The following LRRC49 variants were observed in gnomAD, a reference collection of about 807,000 sequenced individuals.
LRRC49 encodes the protein leucine rich repeat containing 49, also known as leucine-rich repeat-containing protein 49.
In LRRC49, 50 loss-of-function variants were observed where a neutral mutation model predicts 83.3. That is an observed-to-expected ratio of 0.60 (90% CI 0.48 to 0.76). The LOEUF (loss-of-function observed/expected upper bound fraction) is 0.76, where lower values mean the gene tolerates loss of function less well. LRRC49 is among the 30% of genes least tolerant of loss of function. LRRC49 has a pLI of 0.00. For missense variants in LRRC49, 704 were observed against 809.1 expected, an observed-to-expected ratio of 0.87 and a Z score of 1.58; for synonymous variants, 286 against 283.3, an observed-to-expected ratio of 1.01 and a Z score of -0.10.
intron 14 of LRRC49, among the ~76,000 whole-genome samples, chr15:71,031,144 T>C (rs184301361): frequency 6.6e-6 from 1 of 152,348 alleles, no homozygotes; most frequent in African/African-American, 2.4e-5. Context: ...TGGATTTATC[T>C]ACCTTTGATC....
At chr15:71,006,462 A>G (rs754600006) in intron 11 of LRRC49, among the ~76,000 whole-genome samples, 2 of 152,216 alleles carry the variant, frequency 1.3e-5, no homozygotes, top group African/African-American at 4.8e-5. Flanking sequence ...AGGCGTCCCT[A>G]TGTGGGTAAA....
intron 11 of LRRC49, among the ~76,000 whole-genome samples, chr15:70,990,275 G>T (rs2037815595): frequency 6.6e-6 from 1 of 152,330 alleles, no homozygotes; most frequent in South Asian, 2.1e-4. Flanking sequence ...CTTGAGCTGT[G>T]GTGGGCTCCA....
At chr15:70,909,839 AACACACACACACACACAC>A (rs146189261) in intron 5 of LRRC49, among the ~76,000 whole-genome samples, 23 of 136,090 alleles carry the variant, frequency 1.7e-4, no homozygotes, top group African/African-American at 6.3e-4. Context: ...CTCCATCTCA[AACACACACACACACACAC>A]ACACACACAC....
chr15:70,957,637 A>G (rs1174556052), intron 8 of LRRC49, among the ~76,000 whole-genome samples: 1 of 152,160 alleles, frequency 6.6e-6, no homozygotes, highest in Non-Finnish European at 1.5e-5. Flanking sequence ...TCTTCAAGAA[A>G]CTTACAGTTT....
intron 8 of LRRC49, among the ~76,000 whole-genome samples, chr15:70,961,995 G>A (rs2036617022): frequency 6.6e-6 from 1 of 152,118 alleles, no homozygotes; most frequent in Admixed American, 6.6e-5. Context: ...TAAGGGGGTG[G>A]GGGAAAAGGC....
chr15:70,906,023 C>T (rs2034292013), intron 5 of LRRC49, among the ~76,000 whole-genome samples: 1 of 151,022 alleles, frequency 6.6e-6, no homozygotes, highest in South Asian at 2.1e-4. Context: ...GTAGGTAGAT[C>T]AGAGAATTCT....
intron 1 of LRRC49, among the ~76,000 whole-genome samples, chr15:70,866,224 T>C (rs2032908907): frequency 6.6e-6 from 1 of 152,074 alleles, no homozygotes; most frequent in African/African-American, 2.4e-5. Context: ...CTTGGCTCAC[T>C]GCAACCTCTG....
chr15:70,871,797 G>C (rs1200241274), intron 1 of LRRC49, among the ~76,000 whole-genome samples: 1 of 151,416 alleles, frequency 6.6e-6, no homozygotes, highest in African/African-American at 2.4e-5. Flanking sequence ...CATCCCAGAC[G>C]GGGCGGGGGG....
upstream of LRRC49, among the ~76,000 whole-genome samples, chr15:70,889,361 C>G (rs747410738): frequency 5.3e-5 from 8 of 151,754 alleles, no homozygotes; most frequent in Admixed American, 2.6e-4. Context: ...TATGAAATCC[C>G]CCCCCCAAAA....
At chr15:70,865,254 T>A (rs2032884750) in intron 1 of LRRC49, among the ~76,000 whole-genome samples, 1 of 152,182 alleles carries the variant, frequency 6.6e-6, no homozygotes, top group Non-Finnish European at 1.5e-5. Flanking sequence ...ACAGAAAGGT[T>A]GAAATAATAA....
At chr15:70,953,311 G>T (rs1050900800) in intron 8 of LRRC49, among the ~76,000 whole-genome samples, 3 of 152,164 alleles carry the variant, frequency 2.0e-5, no homozygotes, top group Non-Finnish European at 4.4e-5. Context: ...AGAAGCTCTT[G>T]TAAGGCAGGT....
intron 1 of LRRC49, among the ~76,000 whole-genome samples, chr15:70,872,363 T>G (rs1308435241): frequency 6.8e-6 from 1 of 146,760 alleles, no homozygotes; most frequent in African/African-American, 2.5e-5. Flanking sequence ...TAGCCTCGGC[T>G]CGGCATCAGA....
chr15:70,969,823 A>G (rs2036929196), intron 9 of LRRC49, among the ~76,000 whole-genome samples: 1 of 152,094 alleles, frequency 6.6e-6, no homozygotes, highest in Non-Finnish European at 1.5e-5. Context: ...TTGGATATTG[A>G]TTTTGTATCC....
intron 8 of LRRC49, among the ~76,000 whole-genome samples, chr15:70,937,466 CCTT>C (rs1445826457): frequency 6.6e-6 from 1 of 152,182 alleles, no homozygotes; most frequent in Non-Finnish European, 1.5e-5. Flanking sequence ...TCCTTCTCCT[CCTT>C]CCCAGGAGCC....
At chr15:70,906,864 A>G (rs1270501614) in intron 5 of LRRC49, among the ~76,000 whole-genome samples, 2 of 152,146 alleles carry the variant, frequency 1.3e-5, no homozygotes, top group Non-Finnish European at 2.9e-5. Context: ...TTTGGTTTTA[A>G]TCTTATTTTA....
intron 7 of LRRC49, among the ~76,000 whole-genome samples, chr15:70,923,731 A>T (rs539049851): frequency 1.3e-5 from 2 of 151,914 alleles, no homozygotes; most frequent in East Asian, 3.9e-4. Flanking sequence ...ATGCACCCGG[A>T]TTCTCTAAAT....
rs1376927615 is a variant in LRRC49, at chr15:71,000,919, G to T, written c.1170-7460G>T. Among the ~76,000 whole-genome samples, 3 of 151,492 alleles carry T rather than the reference G, an allele frequency of 2.0e-5. No homozygotes were observed. The East Asian group carries it at 5.8e-4, about 29-fold the overall frequency. On this transcript the variant is annotated intron_variant, in intron 11 of 15. Coordinates refer to ENST00000260382, the MANE Select transcript of LRRC49 (RefSeq NM_017691.5). ...AACCTCTCGATGGTAGAGTTCTTCG[G>T]ATTTTGGTCCTGGGCTCTGTTTACA...
rs62019137 is a variant in LRRC49 at position 71,050,909 on chromosome 15, G to A, written c.*1297G>A. On this transcript the variant is annotated 3_prime_UTR_variant, in exon 16 of 16. Transcript: ENST00000260382. Reference sequence around the variant, plus strand: ...GGCTGGAGTGCAGTGGCGCGATCTCGGCTCACTGCAAGCTCCGCTTCCCAG... The same window carrying A: ...GGCTGGAGTGCAGTGGCGCGATCTCAGCTCACTGCAAGCTCCGCTTCCCAG... 5,131 of 151,322 alleles carry A rather than the reference G, an allele frequency of 0.034. 122 individuals carry two copies. Among genetic ancestry groups the A allele is most frequent in the Non-Finnish European group, 0.047 (3,210 of 68,042 alleles). The allele number at this position is 151,322 out of a possible 1,614,324, so 9.4% of individuals were successfully genotyped here.
intron 7 of LRRC49, among the ~76,000 whole-genome samples, chr15:70,934,780 A>G (rs1472356177): frequency 6.6e-6 from 1 of 152,192 alleles, no homozygotes; most frequent in African/African-American, 2.4e-5. Context: ...TTTAAAATGT[A>G]TTTTTAAAGG....
Sources: gnomAD v4.1 joint callset for allele counts (sites outside exome capture counted in the v4.1 genomes callset) on GRCh38, gnomAD v4.1.1 for gene constraint, MANE v1.5 for transcripts, NCBI Gene and HGNC (gene_info 2026-07-23, HGNC 2026-07-21) for gene names.